ATAD2B: variants seen among roughly 807,000 people sequenced by gnomAD.
ATAD2B encodes ATPase family AAA domain-containing protein 2B.
A neutral mutation model predicts 167.6 loss-of-function variants in ATAD2B; 40 were observed. That is an observed-to-expected ratio of 0.24 (90% CI 0.19 to 0.31). The LOEUF (loss-of-function observed/expected upper bound fraction) is 0.31, where lower values mean the gene tolerates loss of function less well. Among genes scored for constraint, ATAD2B ranks in the 10% least tolerant of loss-of-function variants. The pLI, the probability that ATAD2B is intolerant of heterozygous loss-of-function variation, is 1.00. For synonymous variants in ATAD2B, 579 were observed against 596.5 expected (o/e 0.97, Z 0.43); for missense variants, 1,242 against 1,757.2 (o/e 0.71, Z 5.24).
At chr2:23,920,568 G>A (rs1244711133) in intron 1 of ATAD2B, among the ~76,000 whole-genome samples, 1 of 152,032 alleles carries the variant, frequency 6.6e-6, no homozygotes, top group African/African-American at 2.4e-5. Flanking sequence ...TCAGGCCCTG[G>A]GAATATGGCA....
intron 1 of ATAD2B, among the ~76,000 whole-genome samples, chr2:23,901,905 A>T (rs1700889368): frequency 6.6e-6 from 1 of 152,200 alleles, no homozygotes; most frequent in Admixed American, 6.5e-5. Context: ...AAAAAGTAGT[A>T]AAATATTTGA....
chr2:23,807,636 G>A (rs1684641032), intron 18 of ATAD2B, among the ~76,000 whole-genome samples: 1 of 151,544 alleles, frequency 6.6e-6, no homozygotes, highest in South Asian at 2.1e-4. Flanking sequence ...CTAACATGGT[G>A]ACACACCGTC....
At chr2:23,883,332 A>T (rs2150236999) in intron 6 of ATAD2B, among the ~76,000 whole-genome samples, 1 of 151,876 alleles carries the variant, frequency 6.6e-6, no homozygotes, top group East Asian at 1.9e-4. Flanking sequence ...TACTCATGAC[A>T]TCAGAAAGCA....
chr2:23,859,026 T>G (rs1693913697), intron 12 of ATAD2B, among the ~76,000 whole-genome samples: 1 of 152,136 alleles, frequency 6.6e-6, no homozygotes, highest in Non-Finnish European at 1.5e-5. Context: ...TCTAATCTAG[T>G]TAGATATTTG....
the ATAD2B span, chr2:23,703,925 A>C: frequency 8.8e-6 from 13 of 1,469,898 alleles, no homozygotes; most frequent in African/African-American, 1.8e-4. Flanking sequence ...GAGGGGTGTG[A>C]CCACAATGAT....
At chr2:23,866,257 T>G (rs79049167) in intron 10 of ATAD2B, among the ~76,000 whole-genome samples, 1,970 of 152,154 alleles carry the variant, frequency 0.013, 90 homozygotes, top group East Asian at 0.08. Flanking sequence ...AATACAAAAT[T>G]AGCTGGGCGT....
At chr2:23,818,291 G>GAGGGAGGGAGGGAGGGAAGAAGAGAGGGA (rs1558592102) in intron 17 of ATAD2B, among the ~76,000 whole-genome samples, 6 of 115,438 alleles carry the variant, frequency 5.2e-5, no homozygotes, top group Non-Finnish European at 1.2e-4. Flanking sequence ...AAGAGAGGGA[G>GAGGGAGGGAGGGAGGGAAGAAGAGAGGGA]GGGGGAGAGA....
At chr2:23,920,508 A>C (rs1030638999) in intron 1 of ATAD2B, among the ~76,000 whole-genome samples, 1 of 152,198 alleles carries the variant, frequency 6.6e-6, no homozygotes, top group Non-Finnish European at 1.5e-5. Context: ...TCATTCATTC[A>C]TTTAACAGAT....
chr2:23,704,410 G>A, the ATAD2B span, among the ~76,000 whole-genome samples: 4 of 152,208 alleles, frequency 2.6e-5, no homozygotes, highest in Non-Finnish European at 4.4e-5. Flanking sequence ...CTGTGGCAGC[G>A]AGACACCAGT....
intron 19 of ATAD2B, 102 bp downstream of exon 19, chr2:23,798,036 T>C: frequency 1.3e-6 from 1 of 764,674 alleles, no homozygotes; most frequent in South Asian, 3.1e-5. Flanking sequence ...ATATAAACCC[T>C]GGCAGTATTA....
intron 13 of ATAD2B, among the ~76,000 whole-genome samples, chr2:23,851,684 A>G (rs1430059948): frequency 1.3e-5 from 2 of 152,326 alleles, no homozygotes; most frequent in African/African-American, 2.4e-5. Context: ...TTGGACAAAC[A>G]TATCATGATG....
At chr2:23,796,502 G>T (rs1000474834) in intron 19 of ATAD2B, among the ~76,000 whole-genome samples, 3 of 152,114 alleles carry the variant, frequency 2.0e-5, no homozygotes, top group Admixed American at 2.0e-4. Context: ...TTATCAAGAA[G>T]TTAGGCTCAT....
chr2:23,760,950 G>A (rs539033807), intron 24 of ATAD2B, among the ~76,000 whole-genome samples: 5 of 152,034 alleles, frequency 3.3e-5, no homozygotes, highest in Non-Finnish European at 5.9e-5. Flanking sequence ...ATTATGGGTC[G>A]CATATGCCAT....
At chr2:23,904,172 G>A (rs146279394) in intron 1 of ATAD2B, among the ~76,000 whole-genome samples, 5 of 151,986 alleles carry the variant, frequency 3.3e-5, no homozygotes, top group South Asian at 2.1e-4. Flanking sequence ...CATAGGTAAC[G>A]TACAGAGTAT....
chr2:23,921,205 C>CAAAAAAAA (rs61004964), intron 1 of ATAD2B, among the ~76,000 whole-genome samples: 9 of 32,250 alleles, frequency 2.8e-4, no homozygotes, highest in South Asian at 2.3e-3. Flanking sequence ...GACTCCATCT[C>CAAAAAAAA]AAAAAAAAAA....
chr2:23,696,286 C>T, the ATAD2B span: 2 of 1,532,656 alleles, frequency 1.3e-6, no homozygotes, highest in East Asian at 2.5e-5. The surrounding 1 kb of genome is among the most constrained non-coding windows in gnomAD (Gnocchi z 5.5). Flanking sequence ...TGACCCCAGG[C>T]CCCTCCTCAC....
chr2:23,866,486 C>CA (rs1404735848), intron 10 of ATAD2B, among the ~76,000 whole-genome samples: 3 of 151,506 alleles, frequency 2.0e-5, no homozygotes, highest in African/African-American at 7.3e-5. Context: ...TGTAAATGGA[C>CA]AGATGAAAAT....
At chr2:23,857,903 G>A (rs911706136) in intron 12 of ATAD2B, among the ~76,000 whole-genome samples, 8 of 151,346 alleles carry the variant, frequency 5.3e-5, no homozygotes, top group South Asian at 2.1e-4. Context: ...CACCACGCCC[G>A]GCTAATTTTG....
chr2:23,735,720 G>C, the ATAD2B span, among the ~76,000 whole-genome samples: 9 of 152,174 alleles, frequency 5.9e-5, no homozygotes, highest in South Asian at 2.1e-4. Context: ...GTCTTATGAC[G>C]CAAGTGGTCC....
Sources: gnomAD v4.1 joint callset for allele counts (sites outside exome capture counted in the v4.1 genomes callset) on GRCh38, gnomAD v4.1.1 for gene constraint, Gnocchi (gnomAD v3.1) non-coding constraint, MANE v1.5 for transcripts, NCBI Gene and HGNC (gene_info 2026-07-23, HGNC 2026-07-21) for gene names.